CNTLN: variants seen among roughly 807,000 people sequenced by gnomAD.
CNTLN encodes centlein.
CNTLN carries 212 observed loss-of-function variants against 180.0 expected under a neutral mutation model. The observed-to-expected ratio is 1.18, with a 90% confidence interval of 1.05 to 1.32. The LOEUF (loss-of-function observed/expected upper bound fraction) is 1.32, where lower values mean the gene tolerates loss of function less well. Among genes scored for constraint, CNTLN ranks in the 40% most tolerant of loss-of-function variants. The pLI is 0.00. For missense variants in CNTLN, 2,095 were observed against 1,610.9 expected (o/e 1.30, Z -5.14); for synonymous variants, 722 against 563.1 (o/e 1.28, Z -3.99).
At chr9:17,156,179 T>A (rs1009149476) in intron 2 of CNTLN, among the ~76,000 whole-genome samples, 3 of 152,198 alleles carry the variant, frequency 2.0e-5, no homozygotes, top group Non-Finnish European at 4.4e-5. Flanking sequence ...CTTTCGGCCA[T>A]CTTGAATCTC....
chr9:17,316,513 A>G (rs1027272804), intron 8 of CNTLN, among the ~76,000 whole-genome samples: 1 of 152,036 alleles, frequency 6.6e-6, no homozygotes, highest in African/African-American at 2.4e-5. Flanking sequence ...TTGACATAAT[A>G]TTTTCAGCTT....
chr9:17,369,159 G>T (rs1824093499), intron 13 of CNTLN, among the ~76,000 whole-genome samples: 1 of 152,226 alleles, frequency 6.6e-6, no homozygotes, highest in Non-Finnish European at 1.5e-5. Flanking sequence ...GATAGTGAGT[G>T]AGTTCTCATG....
intron 23 of CNTLN, among the ~76,000 whole-genome samples, chr9:17,470,083 T>C (rs1239483966): frequency 6.6e-6 from 1 of 151,912 alleles, no homozygotes; most frequent in Non-Finnish European, 1.5e-5. Context: ...ATTAACACAG[T>C]TGTAAACTTG....
At chr9:17,262,385 C>T (rs1370678465) in intron 5 of CNTLN, among the ~76,000 whole-genome samples, 1 of 151,592 alleles carries the variant, frequency 6.6e-6, no homozygotes, top group African/African-American at 2.4e-5. Context: ...CCATGGAATA[C>T]TATGCAGCCA....
intron 1 of CNTLN, among the ~76,000 whole-genome samples, chr9:17,142,843 T>G (rs1256989817): frequency 1.3e-5 from 2 of 152,222 alleles, no homozygotes; most frequent in Non-Finnish European, 2.9e-5. Flanking sequence ...CCTTTGGATT[T>G]GGCAATATAG....
Position 17,464,586 on chromosome 9 carries a change from A to G in CNTLN, c.3494A>G (p.Lys1165Arg). 1 of 1,504,676 alleles carries G rather than the reference A, an allele frequency of 6.6e-7. No homozygotes were observed. The highest frequency in any genetic ancestry group is 8.9e-7 in the Non-Finnish European group (1 of 1,125,532). 93.2% of individuals were successfully genotyped at this position (1,504,676 alleles called of 1,614,324 possible). The change falls in exon 21 of 26, where the codon AAG becomes AGG. Residue 1165 changes from lysine to arginine, a missense_variant. Physicochemically the swap from Lys to Arg is conservative, Grantham distance 26 (BLOSUM62 2). Transcript: ENST00000380647. ...FRQKVNLESNKSFSEMLQNLD... is the reference protein window; with the variant it reads ...FRQKVNLESNRSFSEMLQNLD... ...CAGAAAGTAAATTTGGAAAGTAACA[A>G]GAGTTTTAGTGAAATGTTACAAAAT...
chr9:17,410,840 T>C (rs892269534), intron 16 of CNTLN, among the ~76,000 whole-genome samples: 2 of 152,128 alleles, frequency 1.3e-5, no homozygotes, highest in Non-Finnish European at 2.9e-5. Flanking sequence ...TACGTAAACA[T>C]AGGGATATTT....
At chr9:17,178,231 T>C (rs535171641) in intron 2 of CNTLN, among the ~76,000 whole-genome samples, 1 of 152,318 alleles carries the variant, frequency 6.6e-6, no homozygotes, top group South Asian at 2.1e-4. Context: ...GGGTGCTGAT[T>C]GGTATGTTTA....
intron 14 of CNTLN, among the ~76,000 whole-genome samples, chr9:17,388,975 C>T (rs1177306385): frequency 6.6e-6 from 1 of 151,646 alleles, no homozygotes; most frequent in Non-Finnish European, 1.5e-5. Flanking sequence ...ATAGTTTGTT[C>T]TTGTGATTGT....
At chr9:17,513,941 T>A in the CNTLN span, among the ~76,000 whole-genome samples, 1 of 152,106 alleles carries the variant, frequency 6.6e-6, no homozygotes, top group South Asian at 2.1e-4. Flanking sequence ...TGTGAAAGAA[T>A]AGGTACAGGT....
Position 17,396,983 on chromosome 9 carries a change from C to T in CNTLN, c.2615+1914C>T, listed in dbSNP as rs569288190. 4.6e-5 allele frequency among the ~76,000 whole-genome samples: 7 copies of T among 152,234 alleles called. No individual in the cohort carries two copies. In the East Asian group the frequency reaches 1.4e-3, roughly 29 times the overall value. On this transcript the variant is annotated intron_variant, in intron 15 of 25. Transcript: ENST00000380647. ...AAAAACTTACTTCCCACCCACTAAG[C>T]GTTATCTTTATATCTCATTATTCCT...
rs188500351 is a variant in CNTLN at position 17,256,849 on chromosome 9, C to T, written c.850-16884C>T. On this transcript the variant is annotated intron_variant, in intron 5 of 25. Transcript: ENST00000380647. ...TCTCTCTCTTGATTTTTTGGAAGGT[C>T]AAATAATTTAGTTTCTGCTTGGTGG... is the stretch of plus-strand genomic sequence containing the variant. Among the ~76,000 whole-genome samples, 21 of 151,858 alleles carry T rather than the reference C, an allele frequency of 1.4e-4. No individual in the cohort carries two copies. The East Asian group carries it at 4.1e-3, about 30-fold the overall frequency.
At chr9:17,200,188 T>C (rs1294232367) in intron 2 of CNTLN, among the ~76,000 whole-genome samples, 1 of 152,180 alleles carries the variant, frequency 6.6e-6, no homozygotes, top group African/African-American at 2.4e-5. Flanking sequence ...TTCTGTTCCA[T>C]TGGTCTACAT....
At chr9:17,342,480 A>G in intron 12 of CNTLN, 36 bp downstream of exon 12, 1 of 1,550,190 alleles carries the variant, frequency 6.5e-7, no homozygotes, top group Non-Finnish European at 8.7e-7. Flanking sequence ...ACTTAGATAA[A>G]ATACTTGGGA....
At chr9:17,207,845 CA>C (rs1823033773) in intron 2 of CNTLN, among the ~76,000 whole-genome samples, 1 of 152,168 alleles carries the variant, frequency 6.6e-6, no homozygotes, top group South Asian at 2.1e-4. Context: ...CTGAATTTAT[CA>C]GTCCTAATAA....
In CNTLN at chr9:17,202,256, A is replaced by C. The variant is rs151086503; in HGVS notation, c.450-23947A>C. 0.024 allele frequency among the ~76,000 whole-genome samples: 3,711 copies of C among 152,232 alleles called. 337 individuals are homozygous for C. In the East Asian group the frequency reaches 0.34, roughly 14 times the overall value. ...GCTGAGGAGTGTTTTACTTCCAATT[A>C]TGTGGTCAATTTTAGAATAAATGTA... On this transcript the variant is annotated intron_variant, in intron 2 of 25. Transcript: ENST00000380647.
chr9:17,276,592 A>G (rs746727573), intron 6 of CNTLN, among the ~76,000 whole-genome samples: 1 of 151,954 alleles, frequency 6.6e-6, no homozygotes, highest in Non-Finnish European at 1.5e-5. Context: ...CTCTACCTCA[A>G]ATGATTTTTG....
chr9:17,339,759 G>A (rs1275881672), intron 10 of CNTLN, among the ~76,000 whole-genome samples: 3 of 152,278 alleles, frequency 2.0e-5, no homozygotes, highest in East Asian at 3.9e-4. Flanking sequence ...ACAGTTTATA[G>A]TCATGTGCAT....
downstream of CNTLN, among the ~76,000 whole-genome samples, chr9:17,506,422 G>C (rs953451928): frequency 6.6e-6 from 1 of 152,100 alleles, no homozygotes; most frequent in Non-Finnish European, 1.5e-5. Context: ...AGTCCTCTGT[G>C]AGTAACATTT....
Sources: allele counts gnomAD v4.1 joint callset (sites outside exome capture counted in the v4.1 genomes callset), GRCh38; gene constraint gnomAD v4.1.1; transcripts MANE v1.5; gene names NCBI Gene and HGNC (gene_info 2026-07-23, HGNC 2026-07-21).